TRIM61: variants seen among roughly 807,000 people sequenced by gnomAD.
The protein encoded by TRIM61 is putative tripartite motif-containing protein 61.
TRIM61 carries 1 observed loss-of-function variant against 14.2 expected under a neutral mutation model. That is an observed-to-expected ratio of 0.07 (90% CI 0.03 to 0.33). TRIM61 has a LOEUF of 0.33. Among genes scored for constraint, TRIM61 ranks in the 10% least tolerant of loss-of-function variants. The pLI, the probability that TRIM61 is intolerant of heterozygous loss-of-function variation, is 0.99. For missense variants in TRIM61, 19 were observed against 202.2 expected (o/e 0.09, Z 5.49); for synonymous variants, 8 against 71.6 (o/e 0.11, Z 4.49).
chr4:164,957,276 C>T (rs1370099588), intron 3 of TRIM61: 25 of 1,614,064 alleles, frequency 1.5e-5, no homozygotes, highest in Non-Finnish European at 2.1e-5. Context: ...ATCGTTTTCT[C>T]CGCGTGCCCT....
At chr4:164,959,984 A>T (rs528407219) in intron 3 of TRIM61, among the ~76,000 whole-genome samples, 1 of 152,294 alleles carries the variant, frequency 6.6e-6, no homozygotes, top group East Asian at 1.9e-4. Context: ...TGAGGTCATT[A>T]GGGTGGGCCT....
intron 3 of TRIM61, among the ~76,000 whole-genome samples, chr4:164,955,568 CAAAAA>C (rs10716862): frequency 1.3e-5 from 1 of 77,234 alleles, no homozygotes; most frequent in African/African-American, 4.3e-5. Context: ...GATTCAGTCT[CAAAAA>C]AAAAAAAAAA....
chr4:164,963,794 A>C (rs1175874426), intron 3 of TRIM61, among the ~76,000 whole-genome samples: 2 of 152,092 alleles, frequency 1.3e-5, no homozygotes, highest in Non-Finnish European at 2.9e-5. Flanking sequence ...CAGACTATAC[A>C]AAATTATAAT....
intron 3 of TRIM61, chr4:164,958,228 A>G (rs1732058869): frequency 6.0e-6 from 1 of 167,072 alleles, no homozygotes; most frequent in African/African-American, 2.4e-5. Context: ...GTTTTCAGCT[A>G]TAGAAATGTA....
intron 3 of TRIM61, among the ~76,000 whole-genome samples, chr4:164,964,798 T>C (rs893497792): frequency 3.9e-5 from 6 of 152,206 alleles, no homozygotes; most frequent in Non-Finnish European, 7.4e-5. Context: ...TACAAAACCC[T>C]TATCACTTAC....
At chr4:164,961,305 G>A (rs1732133137) in intron 3 of TRIM61, among the ~76,000 whole-genome samples, 1 of 151,306 alleles carries the variant, frequency 6.6e-6, no homozygotes, top group Admixed American at 6.6e-5. Context: ...AAAATCAAAT[G>A]GAAATGCTAG....
chr4:164,956,604 A>C (rs1731994821), intron 3 of TRIM61, among the ~76,000 whole-genome samples: 1 of 152,222 alleles, frequency 6.6e-6, no homozygotes, highest in South Asian at 2.1e-4. Flanking sequence ...CAATTATCAT[A>C]GTGTTACTGT....
rs2111157696 is a variant in TRIM61, at chr4:164,977,573, G to A, written c.-518C>T. ...GCAAATCCGGCCAAAGAATACTCAG[G>A]ACCCACCGAGCCCCCGCGAGGAAGG... On this transcript the variant is annotated 5_prime_UTR_variant, in exon 1 of 5. Coordinates refer to ENST00000329314, the MANE Select transcript of TRIM61 (RefSeq NM_001012414.3). 1 of 152,186 alleles carries A rather than the reference G, an allele frequency of 6.6e-6. No homozygotes were observed. Among genetic ancestry groups the A allele is most frequent in the Middle Eastern group, 3.4e-3 (1 of 292 alleles). 9.4% of individuals were successfully genotyped at this position (152,186 alleles called of 1,614,324 possible).
chr4:164,968,444 A>C, intron 3 of TRIM61: 2 of 985,222 alleles, frequency 2.0e-6, no homozygotes, highest in Non-Finnish European at 2.4e-6. Flanking sequence ...TCCCATAATC[A>C]CATTTTTTGG....
At chr4:164,957,380 C>A (rs754991094) in intron 3 of TRIM61, 4 of 1,614,018 alleles carry the variant, frequency 2.5e-6, no homozygotes, top group East Asian at 2.2e-5. Context: ...GTCAGAAGGA[C>A]CACCAGGAAA....
intron 3 of TRIM61, among the ~76,000 whole-genome samples, chr4:164,965,926 C>T (rs548551030): frequency 6.6e-6 from 1 of 152,254 alleles, no homozygotes; most frequent in African/African-American, 2.4e-5. Context: ...ATGAACCTTA[C>T]TAGAAAGCTA....
intron 3 of TRIM61, among the ~76,000 whole-genome samples, chr4:164,963,744 CAA>C (rs70952672): frequency 0.017 from 1,969 of 117,070 alleles, 35 homozygotes; most frequent in African/African-American, 0.048. Context: ...AACTCTGTTT[CAA>C]AAAAAAAAAA....
intron 3 of TRIM61, chr4:164,957,677 G>C: frequency 4.0e-6 from 3 of 741,948 alleles, no homozygotes; most frequent in Non-Finnish European, 6.4e-6. Context: ...AGCACTTTGT[G>C]CTTTATTCGG....
rs982587751 is a variant in TRIM61, at chr4:164,965,446, C to T, written c.525+4032G>A. 1.6e-4 allele frequency among the ~76,000 whole-genome samples: 20 copies of T among 126,292 alleles called. 1 individual carries two copies. The East Asian group carries it at 3.5e-3, about 22-fold the overall frequency. The allele number at this position is 126,292 out of a possible 152,430, so 82.9% of individuals were successfully genotyped here. On this transcript the variant is annotated intron_variant, in intron 3 of 4. Coordinates refer to ENST00000329314, the MANE Select transcript of TRIM61 (RefSeq NM_001012414.3). ...TCATGCTTATAGAATTCTGCCTATG[C>T]TTTTTTTTTTTTTTTTTTGAGATGA...
At chr4:164,975,153 C>A (rs1430160828) in intron 2 of TRIM61, among the ~76,000 whole-genome samples, 1 of 151,732 alleles carries the variant, frequency 6.6e-6, no homozygotes, top group Non-Finnish European at 1.5e-5. Flanking sequence ...ATGGCTCAAA[C>A]CAGGGGGCAG....
intron 3 of TRIM61, among the ~76,000 whole-genome samples, chr4:164,967,177 T>A (rs1221637591): frequency 6.6e-6 from 1 of 152,070 alleles, no homozygotes; most frequent in African/African-American, 2.4e-5. Context: ...TAAGGACAAA[T>A]CTGACAAAAC....
intron 3 of TRIM61, among the ~76,000 whole-genome samples, chr4:164,960,899 CA>C (rs946307141): frequency 6.6e-6 from 1 of 151,842 alleles, no homozygotes; most frequent in Admixed American, 6.6e-5. Context: ...CGTAGTGAGC[CA>C]AGATGGTGCC....
chr4:164,956,980 G>T (rs1312514404), intron 3 of TRIM61: 1 of 1,449,896 alleles, frequency 6.9e-7, no homozygotes, highest in African/African-American at 1.4e-5. Flanking sequence ...GTGAAGGTGT[G>T]GCGCGACGTT....
At chr4:164,966,419 A>C (rs575537518) in intron 3 of TRIM61, among the ~76,000 whole-genome samples, 1 of 152,334 alleles carries the variant, frequency 6.6e-6, no homozygotes, top group South Asian at 2.1e-4. Context: ...CCAAAGTGGG[A>C]CATCATAATA....
Sources: allele counts gnomAD v4.1 joint callset (sites outside exome capture counted in the v4.1 genomes callset), GRCh38; gene constraint gnomAD v4.1.1; transcripts MANE v1.5; gene names NCBI Gene and HGNC (gene_info 2026-07-23, HGNC 2026-07-21).